The following ROS1 variants were observed in gnomAD, a reference collection of about 807,000 sequenced individuals.
The protein encoded by ROS1 is proto-oncogene tyrosine-protein kinase ROS.
ROS1 carries 263 observed loss-of-function variants against 273.5 expected under a neutral mutation model. That is an observed-to-expected ratio of 0.96 (90% confidence interval 0.87 to 1.06). The LOEUF is 1.06. Ranked by LOEUF, ROS1 falls within the 50% of genes least tolerant of loss-of-function variation. ROS1 has a pLI of 0.00. For missense variants in ROS1, 2,833 were observed against 2,751.1 expected (o/e 1.03, Z -0.67); for synonymous variants, 1,008 against 954.1 (o/e 1.06, Z -1.04).
chr6:117,408,284 G>A (rs569920944), intron 5 of ROS1, among the ~76,000 whole-genome samples: 2 of 152,086 alleles, frequency 1.3e-5, no homozygotes, highest in African/African-American at 4.8e-5. Context: ...GCAACCTACA[G>A]AATGGGAGAA....
Position 117,389,663 on chromosome 6 carries a change from C to A in ROS1, c.1473G>T (p.Leu491=). ...GGATGAGATGGGAAGCAGAGCCATC[C>A]AGAAATGTTGACATGAAGACTTGGG... The part of the protein sequence containing the change: ...DTAQVFMSTF[L]DGSASHLILP... The change falls in exon 13 of 44, where the codon CTG becomes CTT. Residue 491 remains leucine (L), a synonymous_variant. Coordinates refer to ENST00000368507, the MANE Select transcript of ROS1 (RefSeq NM_001378902.1). 6.2e-7 allele frequency: 1 copy of A among 1,614,160 alleles called. No individual in the cohort carries two copies. The highest frequency in any genetic ancestry group is 8.5e-7 in the Non-Finnish European group (1 of 1,180,026).
intron 43 of ROS1, among the ~76,000 whole-genome samples, chr6:117,289,706 TA>T (rs1202117906): frequency 6.6e-6 from 1 of 152,196 alleles, no homozygotes; most frequent in African/African-American, 2.4e-5. Context: ...CAAACATCAT[TA>T]TAGCATATTT....
chr6:117,302,068 G>A (rs977829093), intron 42 of ROS1, among the ~76,000 whole-genome samples: 7 of 152,242 alleles, frequency 4.6e-5, no homozygotes, highest in African/African-American at 1.7e-4. Flanking sequence ...AATTATAAGA[G>A]AAAGGCAAAA....
intron 21 of ROS1, 32 bp downstream of exon 21, chr6:117,365,028 T>G: frequency 6.2e-7 from 1 of 1,600,738 alleles, no homozygotes; most frequent in Non-Finnish European, 8.5e-7. Flanking sequence ...TTCTGCTTTT[T>G]TAAGAAAAAA....
intron 39 of ROS1, among the ~76,000 whole-genome samples, chr6:117,314,176 C>T (rs185894023): frequency 6.6e-6 from 1 of 152,052 alleles, no homozygotes; most frequent in African/African-American, 2.4e-5. Context: ...ATTGAATGTG[C>T]GCATTTTTAG....
At position 117,353,765 on chromosome 6, in the gene ROS1, C is replaced by T. The variant is rs150486901; in HGVS notation, c.4127-599G>A. ...GTTTCATATCAATTCTGTAAATGAACGAATGAAAGGGATCTGGCTTAATAA... is the reference window on the plus strand; with the variant it reads ...GTTTCATATCAATTCTGTAAATGAATGAATGAAAGGGATCTGGCTTAATAA... On this transcript the variant is annotated intron_variant, in intron 26 of 43. Transcript: ENST00000368507. Among the ~76,000 whole-genome samples the T allele has an allele frequency of 5.1e-3, 773 of 152,140 alleles. 5 individuals are homozygous for T. The highest frequency in any genetic ancestry group is 0.041 in the Middle Eastern group (12 of 294).
At chr6:117,332,249 G>A (rs1379473244) in intron 32 of ROS1, among the ~76,000 whole-genome samples, 1 of 150,918 alleles carries the variant, frequency 6.6e-6, no homozygotes. Context: ...AGACAAAGAA[G>A]GGCATTATAT....
intron 35 of ROS1, among the ~76,000 whole-genome samples, chr6:117,322,089 A>G (rs988439255): frequency 6.6e-6 from 1 of 152,112 alleles, no homozygotes; most frequent in Non-Finnish European, 1.5e-5. Flanking sequence ...CTATTGGCTC[A>G]GAAGTTGAAA....
At position 117,337,248 on chromosome 6, in the gene ROS1, T is replaced by A. The variant is rs139058547; in HGVS notation, c.5154A>T (p.Ser1718=). ...CNITNLQPYT[S]YNVRVVVVYK... is the part of the protein sequence containing the mutation. Reference sequence around the variant, plus strand: ...AAACCACCACTACTCTGACATTATATGAAGTATAAGGTTGTAGATTTGTGA... The same window carrying A: ...AAACCACCACTACTCTGACATTATAAGAAGTATAAGGTTGTAGATTTGTGA... Residue 1718 remains serine, a synonymous_variant, in exon 32 of 44, where the codon TCA becomes TCT. Transcript: ENST00000368507. The A allele has an allele frequency of 1.6e-5, 25 of 1,612,304 alleles. No homozygotes were observed. The highest frequency in any genetic ancestry group is 2.1e-5 in the Non-Finnish European group (25 of 1,178,794).
rs1775322968 is a variant in ROS1 at position 117,416,264 on chromosome 6, T to C, written c.222A>G (p.Leu74=). 2 of 1,579,864 alleles carry C rather than the reference T, an allele frequency of 1.3e-6. No individual in the cohort carries two copies. The highest frequency in any genetic ancestry group is 2.2e-5 in the East Asian group (1 of 44,716). ...WNSVDQKNCA[L]KCNDTYATVC... ...AAATCTAATTAATACTTACACACTT[T>C]AAAGCACAGTTTTTCTGATCTACAG... The change falls in exon 3 of 44, where the codon TTA becomes TTG. Residue 74 remains leucine (L), a synonymous_variant. Transcript: ENST00000368507.
At chr6:117,347,621 G>A (rs1778484708) in intron 27 of ROS1, among the ~76,000 whole-genome samples, 1 of 152,032 alleles carries the variant, frequency 6.6e-6, no homozygotes, top group Non-Finnish European at 1.5e-5. Context: ...AAAAGAAATT[G>A]GGAGAGGGAA....
chr6:117,378,848 T>C (rs1482033140), intron 18 of ROS1, among the ~76,000 whole-genome samples: 3 of 152,184 alleles, frequency 2.0e-5, no homozygotes, highest in Non-Finnish European at 4.4e-5. Context: ...TGAGTGTCTA[T>C]ACTGTACTCT....
At chr6:117,306,554 C>T (rs1300043290) in intron 42 of ROS1, among the ~76,000 whole-genome samples, 1 of 152,134 alleles carries the variant, frequency 6.6e-6, no homozygotes, top group African/African-American at 2.4e-5. Context: ...GGCAGGAATG[C>T]TCTGAACCTG....
In ROS1 at chr6:117,389,631, C is replaced by T. The variant is rs146130970; in HGVS notation, c.1505G>A (p.Arg502His). Reference protein sequence around the residue: ...DGSASHLILPRIPFADVKSFA... With the variant: ...DGSASHLILPHIPFADVKSFA... ...ACTTTTCACATCAGCAAAGGGGATG[C>T]GAGGTAGGATGAGATGGGAAGCAGA... The change falls in exon 13 of 44, where the codon CGC (arginine) becomes CAC (histidine). Residue 502 changes from arginine to histidine, a missense_variant. Arg to His is a conservative substitution (Grantham distance 29, BLOSUM62 0). Coordinates refer to ENST00000368507, the MANE Select transcript of ROS1 (RefSeq NM_001378902.1). The T allele has an allele frequency of 4.6e-5, 74 of 1,614,140 alleles. No individual in the cohort carries two copies. The highest frequency in any genetic ancestry group is 5.3e-5 in the Non-Finnish European group (63 of 1,180,026).
At chr6:117,313,966 G>T (rs1210783492) in intron 39 of ROS1, among the ~76,000 whole-genome samples, 1 of 152,100 alleles carries the variant, frequency 6.6e-6, no homozygotes, top group African/African-American at 2.4e-5. Flanking sequence ...ACCAGGAAAG[G>T]CTGCGGAACA....
Position 117,394,122 on chromosome 6 carries a change from C to T in ROS1, c.1191+40G>A, listed in dbSNP as rs776309110. Reference sequence around the variant, plus strand: ...TATACCAAGATATGCATATCAGTATCACTGTCTATCACTATTCCTCTTTAA... The same window carrying T: ...TATACCAAGATATGCATATCAGTATTACTGTCTATCACTATTCCTCTTTAA... On this transcript the variant is annotated intron_variant, in intron 11 of 43. Transcript: ENST00000368507. 3.0e-6 allele frequency: 4 copies of T among 1,325,418 alleles called. No individual in the cohort carries two copies. The African/African-American group carries it at 6.0e-5, about 20-fold the overall frequency. 82.1% of individuals were successfully genotyped at this position (1,325,418 alleles called of 1,614,324 possible).
chr6:117,300,844 TATG>T, intron 43 of ROS1, 127 bp downstream of exon 43: 2 of 578,680 alleles, frequency 3.5e-6, no homozygotes, highest in Non-Finnish European at 5.6e-6. Flanking sequence ...AACACTTAAT[TATG>T]ATGACAAAGG....
At chr6:117,355,097 C>A (rs1454281439) in intron 26 of ROS1, among the ~76,000 whole-genome samples, 1 of 152,174 alleles carries the variant, frequency 6.6e-6, no homozygotes, top group Non-Finnish European at 1.5e-5. Context: ...GTAGGGGGTT[C>A]TCCTAAACTG....
intron 20 of ROS1, 139 bp from the exon 21 acceptor site, chr6:117,365,343 T>C: frequency 1.1e-6 from 1 of 907,042 alleles, no homozygotes; most frequent in South Asian, 1.8e-5. Flanking sequence ...TTTTGGCAAG[T>C]TCTGTGTTGT....
Sources: gnomAD v4.1 joint callset for allele counts (sites outside exome capture counted in the v4.1 genomes callset) on GRCh38, gnomAD v4.1.1 for gene constraint, MANE v1.5 for transcripts, NCBI Gene and HGNC (gene_info 2026-07-23, HGNC 2026-07-21) for gene names.